Variants in KHDRBS2 observed in about 807,000 individuals in gnomAD.
KHDRBS2 encodes the protein KH domain-containing, RNA-binding, signal transduction-associated protein 2.
In KHDRBS2, 26 loss-of-function variants were observed where a neutral mutation model predicts 44.3. The observed-to-expected ratio is 0.59, with a 90% CI of 0.43 to 0.81. KHDRBS2 has a LOEUF of 0.81. Ranked by LOEUF, KHDRBS2 falls within the 40% of genes least tolerant of loss-of-function variation. The pLI, the probability that KHDRBS2 is intolerant of heterozygous loss-of-function variation, is 0.00. For missense variants in KHDRBS2, 476 were observed against 433.1 expected (o/e 1.10, Z -0.88); for synonymous variants, 194 against 151.1 (o/e 1.28, Z -2.08).
At chr6:61,744,390 T>C (rs1004519164) in intron 6 of KHDRBS2, among the ~76,000 whole-genome samples, 5 of 152,128 alleles carry the variant, frequency 3.3e-5, no homozygotes, top group African/African-American at 1.2e-4. Context: ...AAACCTGCTC[T>C]TACTTTGGGG....
chr6:62,005,867 A>G (rs865996336), intron 3 of KHDRBS2, among the ~76,000 whole-genome samples: 2 of 152,014 alleles, frequency 1.3e-5, no homozygotes, highest in Middle Eastern at 3.2e-3. Context: ...ATAAAATTCA[A>G]TAGATTAACC....
At chr6:62,139,117 A>T (rs1429084350) in intron 2 of KHDRBS2, among the ~76,000 whole-genome samples, 1 of 152,114 alleles carries the variant, frequency 6.6e-6, no homozygotes, top group Non-Finnish European at 1.5e-5. Flanking sequence ...CTTTAGTTTC[A>T]GATTTTATTA....
intron 1 of KHDRBS2, among the ~76,000 whole-genome samples, chr6:62,281,410 C>A (rs1247705205): frequency 6.6e-5 from 10 of 151,894 alleles, no homozygotes; most frequent in Admixed American, 6.6e-4. Context: ...TCACAAAATT[C>A]GGAGTTTGAG....
At chr6:62,026,555 C>T (rs1164645624) in intron 3 of KHDRBS2, among the ~76,000 whole-genome samples, 7 of 151,578 alleles carry the variant, frequency 4.6e-5, no homozygotes, top group Non-Finnish European at 8.8e-5. Flanking sequence ...ACCTCAGCCT[C>T]GCAAGTAACT....
At chr6:62,282,502 TATGG>T (rs1421586113) in intron 1 of KHDRBS2, among the ~76,000 whole-genome samples, 2 of 152,014 alleles carry the variant, frequency 1.3e-5, no homozygotes, top group Non-Finnish European at 2.9e-5. Flanking sequence ...CTCCTAGGAG[TATGG>T]AATCACCATA....
chr6:61,559,639 T>A, the KHDRBS2 span, among the ~76,000 whole-genome samples: 1 of 152,168 alleles, frequency 6.6e-6, no homozygotes, highest in Admixed American at 6.6e-5. Flanking sequence ...CCCACTATTT[T>A]AAACTCATGA....
chr6:62,235,641 A>G (rs1325442775), intron 1 of KHDRBS2, among the ~76,000 whole-genome samples: 1 of 152,094 alleles, frequency 6.6e-6, no homozygotes, highest in East Asian at 1.9e-4. Flanking sequence ...TAATAATACA[A>G]TATTTTCAGT....
intron 1 of KHDRBS2, among the ~76,000 whole-genome samples, chr6:62,237,875 C>T (rs1185184817): frequency 6.6e-6 from 1 of 151,956 alleles, no homozygotes; most frequent in African/African-American, 2.4e-5. Context: ...TCCTTCTCTA[C>T]TAAAGATAAA....
At chr6:61,863,283 A>T (rs1472988872) in intron 6 of KHDRBS2, among the ~76,000 whole-genome samples, 3 of 142,946 alleles carry the variant, frequency 2.1e-5, no homozygotes, top group South Asian at 2.2e-4. Flanking sequence ...TTGTCTTTCA[A>T]TCTCCTTCAG....
At position 61,901,276 on chromosome 6, in the gene KHDRBS2, T is replaced by A. The variant is rs1478741359; in HGVS notation, c.579A>T (p.Arg193Ser). The change falls in exon 5 of 9, where the codon AGA (arginine) becomes AGT (serine). Residue 193 changes from arginine to serine, a missense_variant. Coordinates refer to ENST00000281156, the MANE Select transcript of KHDRBS2 (RefSeq NM_152688.4). ...DSGRGRGIRGRGIRIAPTAPS... is the reference protein window; with the variant it reads ...DSGRGRGIRGSGIRIAPTAPS... Reference sequence around the variant, plus strand: ...GAGCTGTGGGAGCTATTCTGATCCCTCTGCCTCTAATACCTCTGCCACGAC... The same window carrying A: ...GAGCTGTGGGAGCTATTCTGATCCCACTGCCTCTAATACCTCTGCCACGAC... 12 of 1,613,632 alleles carry A rather than the reference T, an allele frequency of 7.4e-6. No homozygotes were observed. In the South Asian group the frequency reaches 1.1e-4, roughly 15 times the overall value.
At chr6:62,160,263 G>T (rs1486983205) in intron 2 of KHDRBS2, among the ~76,000 whole-genome samples, 1 of 152,112 alleles carries the variant, frequency 6.6e-6, no homozygotes, top group Non-Finnish European at 1.5e-5. Context: ...TGGGAAAAAA[G>T]AAAAACTAGT....
chr6:62,104,719 G>A (rs184287329), intron 2 of KHDRBS2, among the ~76,000 whole-genome samples: 155 of 151,516 alleles, frequency 1.0e-3, no homozygotes, highest in African/African-American at 3.7e-3. Context: ...ATGACCTCAG[G>A]TTACAAATTA....
chr6:61,908,591 G>A (rs1289261979), intron 4 of KHDRBS2, among the ~76,000 whole-genome samples: 5 of 147,014 alleles, frequency 3.4e-5, no homozygotes, highest in South Asian at 2.2e-4. Flanking sequence ...CTGAGATAGC[G>A]CCACTGCAGT....
chr6:62,048,929 ATT>A (rs1237188391), intron 2 of KHDRBS2, among the ~76,000 whole-genome samples: 2 of 151,708 alleles, frequency 1.3e-5, no homozygotes, highest in Non-Finnish European at 2.9e-5. Context: ...TATATCAGAG[ATT>A]TTCTTTCCTT....
At chr6:61,766,880 A>G (rs1780089685) in intron 6 of KHDRBS2, among the ~76,000 whole-genome samples, 1 of 152,044 alleles carries the variant, frequency 6.6e-6, no homozygotes, top group South Asian at 2.1e-4. Context: ...GTGTCCTAAT[A>G]TATGGCCTGT....
chr6:62,074,017 C>T (rs1795842297), intron 2 of KHDRBS2, among the ~76,000 whole-genome samples: 1 of 151,722 alleles, frequency 6.6e-6, no homozygotes, highest in Non-Finnish European at 1.5e-5. Context: ...ATATGGATCA[C>T]AATCAACTCA....
At chr6:62,011,384 CAA>C (rs1167164764) in intron 3 of KHDRBS2, among the ~76,000 whole-genome samples, 1 of 151,966 alleles carries the variant, frequency 6.6e-6, no homozygotes, top group Admixed American at 6.6e-5. Flanking sequence ...CGAAAGTAAA[CAA>C]TGATGTAGAA....
At chr6:61,703,429 G>GAT (rs1475666788) in intron 7 of KHDRBS2, among the ~76,000 whole-genome samples, 6 of 151,664 alleles carry the variant, frequency 4.0e-5, no homozygotes, top group Admixed American at 6.6e-5. Flanking sequence ...ATATGTGAGG[G>GAT]ATATATATCT....
chr6:61,623,636 C>A, the KHDRBS2 span, among the ~76,000 whole-genome samples: 52 of 152,226 alleles, frequency 3.4e-4, no homozygotes, highest in South Asian at 8.1e-3. Context: ...ATTGATTAAG[C>A]CTGAGCAGAA....
Sources: allele counts gnomAD v4.1 joint callset (sites outside exome capture counted in the v4.1 genomes callset), GRCh38; gene constraint gnomAD v4.1.1; transcripts MANE v1.5; gene names NCBI Gene and HGNC (gene_info 2026-07-23, HGNC 2026-07-21).